KIAA1217: variants seen among roughly 807,000 people sequenced by gnomAD.
The protein encoded by KIAA1217 is KIAA1217.
A neutral mutation model predicts 163.9 loss-of-function variants in KIAA1217; 88 were observed. The ratio of observed to expected loss-of-function variants is 0.54; its 90% CI spans 0.45 to 0.64. The LOEUF is 0.64. Among genes scored for constraint, KIAA1217 ranks in the 30% least tolerant of loss-of-function variants. The pLI is 0.00. For missense variants in KIAA1217, 2,372 were observed against 2,475.0 expected, an observed-to-expected ratio of 0.96 and a Z score of 0.88; for synonymous variants, 903 against 923.1, an observed-to-expected ratio of 0.98 and a Z score of 0.39.
chr10:23,826,644 C>T (rs1016030384), intron 1 of KIAA1217, among the ~76,000 whole-genome samples: 1 of 152,128 alleles, frequency 6.6e-6, no homozygotes, highest in Admixed American at 6.5e-5. Context: ...AAGTAGCGGA[C>T]GGCCAGGGTG....
intron 2 of KIAA1217, among the ~76,000 whole-genome samples, chr10:24,229,866 A>G (rs1277070298): frequency 6.6e-6 from 1 of 152,256 alleles, no homozygotes; most frequent in African/African-American, 2.4e-5. Flanking sequence ...TTTTTTAGCA[A>G]TTAAGAAATC....
At chr10:24,095,767 T>C (rs370814067) in intron 2 of KIAA1217, among the ~76,000 whole-genome samples, 3 of 152,274 alleles carry the variant, frequency 2.0e-5, no homozygotes, top group African/African-American at 7.2e-5. Flanking sequence ...CTATTATACC[T>C]TTTAGATACC....
intron 1 of KIAA1217, among the ~76,000 whole-genome samples, chr10:23,930,420 G>T (rs552789812): frequency 5.9e-5 from 9 of 152,194 alleles, no homozygotes; most frequent in African/African-American, 2.2e-4. Flanking sequence ...CCTCATGAAG[G>T]GTGGTGGTGC....
At chr10:24,319,225 A>C (rs2043802702) in intron 2 of KIAA1217, among the ~76,000 whole-genome samples, 1 of 152,090 alleles carries the variant, frequency 6.6e-6, no homozygotes, top group Non-Finnish European at 1.5e-5. Flanking sequence ...TAAAAATACA[A>C]AAATTAGCTA....
At chr10:24,029,829 G>T (rs1220466341) in intron 2 of KIAA1217, among the ~76,000 whole-genome samples, 2 of 152,132 alleles carry the variant, frequency 1.3e-5, no homozygotes, top group African/African-American at 4.8e-5. Context: ...GAAGTTTTAA[G>T]TTCCCTCACA....
At chr10:24,433,930 T>C (rs1451157603) in intron 4 of KIAA1217, among the ~76,000 whole-genome samples, 1 of 151,030 alleles carries the variant, frequency 6.6e-6, no homozygotes, top group East Asian at 1.9e-4. Flanking sequence ...CAGTTGAATA[T>C]CCTCCAAAAT....
At chr10:23,936,298 G>T (rs1399563427) in intron 1 of KIAA1217, among the ~76,000 whole-genome samples, 2 of 152,130 alleles carry the variant, frequency 1.3e-5, no homozygotes, top group Non-Finnish European at 2.9e-5. Context: ...GGGAAAGGTG[G>T]AGTGTAGAAT....
intron 8 of KIAA1217, among the ~76,000 whole-genome samples, chr10:24,497,954 A>G (rs2067021213): frequency 6.6e-6 from 1 of 152,132 alleles, no homozygotes; most frequent in African/African-American, 2.4e-5. Context: ...GTATCCAAAA[A>G]CTACTTGTTC....
chr10:24,071,506 G>C (rs1320015813), intron 2 of KIAA1217, among the ~76,000 whole-genome samples: 41 of 151,814 alleles, frequency 2.7e-4, no homozygotes, highest in Non-Finnish European at 7.4e-5. Context: ...AAAAAAAAAA[G>C]AACTCTTTCT....
intron 1 of KIAA1217, among the ~76,000 whole-genome samples, chr10:23,802,543 T>C (rs960372437): frequency 2.0e-5 from 3 of 152,188 alleles, no homozygotes; most frequent in Non-Finnish European, 2.9e-5. Context: ...ATATGAGGGA[T>C]TAAAGGTTGG....
chr10:24,187,094 C>A (rs2066470351), intron 2 of KIAA1217, among the ~76,000 whole-genome samples: 1 of 151,728 alleles, frequency 6.6e-6, no homozygotes, highest in Admixed American at 6.6e-5. Context: ...CTCCGTACAG[C>A]CCTGGTCTGC....
intron 1 of KIAA1217, among the ~76,000 whole-genome samples, chr10:23,782,034 C>T (rs765295412): frequency 2.0e-5 from 3 of 151,706 alleles, no homozygotes; most frequent in South Asian, 2.1e-4. Flanking sequence ...TTTTCAAGAT[C>T]GCTGTTTGGG....
rs188195569 is a variant in KIAA1217 at position 24,330,424 on chromosome 10, T to C, written c.355-50445T>C. On this transcript the variant is annotated intron_variant, in intron 2 of 20. Coordinates refer to ENST00000376454, the MANE Select transcript of KIAA1217 (RefSeq NM_019590.5). Reference sequence around the variant, plus strand: ...AAAAGGAGATCATTAGACAGAAAGTTTGTAAGTTTTGGAAGTAAAATTTTA... The same window carrying C: ...AAAAGGAGATCATTAGACAGAAAGTCTGTAAGTTTTGGAAGTAAAATTTTA... Among the ~76,000 whole-genome samples, 428 of 152,264 alleles carry C rather than the reference T, an allele frequency of 2.8e-3. 6 individuals carry two copies. Among genetic ancestry groups the C allele is most frequent in the Admixed American group, 0.026 (402 of 15,290 alleles).
intron 15 of KIAA1217, 131 bp from the exon 16 acceptor site, chr10:24,532,939 C>A: frequency 1.4e-6 from 1 of 721,008 alleles, no homozygotes; most frequent in Non-Finnish European, 2.1e-6. Context: ...ATAAAATAGC[C>A]TTTCAGCTAT....
intron 14 of KIAA1217, 73 bp downstream of exon 14, chr10:24,528,192 G>C: frequency 8.2e-7 from 1 of 1,226,804 alleles, no homozygotes; most frequent in Non-Finnish European, 1.2e-6. Context: ...ATCCACGACA[G>C]CACATACTCA....
intron 2 of KIAA1217, among the ~76,000 whole-genome samples, chr10:24,151,792 G>A (rs1427098221): frequency 6.6e-6 from 1 of 151,912 alleles, no homozygotes; most frequent in African/African-American, 2.4e-5. Context: ...TTAGGGGGAG[G>A]ATTTAACCAA....
chr10:24,363,568 T>G (rs1406906692), intron 2 of KIAA1217, among the ~76,000 whole-genome samples: 2 of 136,860 alleles, frequency 1.5e-5, no homozygotes, highest in East Asian at 2.0e-4. Flanking sequence ...TTTGTTTTTG[T>G]TTTTTTTTTT....
chr10:24,466,020 G>A (rs922151579), intron 5 of KIAA1217, among the ~76,000 whole-genome samples: 1 of 152,268 alleles, frequency 6.6e-6, no homozygotes, highest in East Asian at 1.9e-4. Flanking sequence ...AAAGTTCAGC[G>A]TGGTAAAACA....
At chr10:24,158,745 A>G (rs2064989712) in intron 2 of KIAA1217, 2 of 497,106 alleles carry the variant, frequency 4.0e-6, no homozygotes, top group South Asian at 1.6e-5. Context: ...TTTCTGACAG[A>G]TGAAAATCTT....
Sources: gnomAD v4.1 joint callset for allele counts (sites outside exome capture counted in the v4.1 genomes callset) on GRCh38, gnomAD v4.1.1 for gene constraint, MANE v1.5 for transcripts, NCBI Gene and HGNC (gene_info 2026-07-23, HGNC 2026-07-21) for gene names.